The following PPARGC1A variants were observed in gnomAD, a reference collection of about 807,000 sequenced individuals.
PPARGC1A encodes the protein PPARG coactivator 1 alpha.
PPARGC1A carries 25 observed loss-of-function variants against 88.7 expected under a neutral mutation model. The ratio of observed to expected loss-of-function variants is 0.28; its 90% CI spans 0.21 to 0.39. The LOEUF (loss-of-function observed/expected upper bound fraction) is 0.39. Ranked by LOEUF, PPARGC1A falls within the 10% of genes least tolerant of loss-of-function variation. The pLI is 1.00. For missense variants in PPARGC1A, 880 were observed against 968.7 expected, an observed-to-expected ratio of 0.91 and a Z score of 1.22; for synonymous variants, 363 against 355.6, an observed-to-expected ratio of 1.02 and a Z score of -0.24.
At chr4:24,042,954 T>C in the PPARGC1A span, among the ~76,000 whole-genome samples, 2 of 152,182 alleles carry the variant, frequency 1.3e-5, no homozygotes, top group African/African-American at 4.8e-5. Context: ...CTTGATTGTT[T>C]TGGTGACTCT....
In PPARGC1A at chr4:23,886,669, G is replaced by A. The variant is rs537023771; in HGVS notation, c.55-1738C>T. On this transcript the variant is annotated intron_variant, in intron 1 of 12. Coordinates refer to ENST00000264867, the MANE Select transcript of PPARGC1A (RefSeq NM_013261.5). ...CTGGAGGCTGGGCTGAAGAGATCTC[G>A]TTCTGGTACAATGCTCATATTTGGT... Among the ~76,000 whole-genome samples the A allele has an allele frequency of 9.2e-5, 14 of 152,116 alleles. No individual in the cohort carries two copies. In the South Asian group the frequency reaches 2.5e-3, roughly 27 times the overall value.
chr4:23,824,110 T>G (rs905384038), intron 7 of PPARGC1A, among the ~76,000 whole-genome samples, 170 bp downstream of exon 7: 39 of 150,890 alleles, frequency 2.6e-4, no homozygotes, highest in South Asian at 1.3e-3. Flanking sequence ...TTTTATTAGT[T>G]TTTTTTTTTT....
At chr4:24,208,881 G>A in the PPARGC1A span, among the ~76,000 whole-genome samples, 5 of 151,982 alleles carry the variant, frequency 3.3e-5, no homozygotes, top group Non-Finnish European at 7.4e-5. Context: ...TCTTCTTTAT[G>A]CTTTATCAGC....
chr4:24,294,979 GA>G, the PPARGC1A span, among the ~76,000 whole-genome samples: 1 of 152,260 alleles, frequency 6.6e-6, no homozygotes, highest in African/African-American at 2.4e-5. Context: ...CCCATGGGGG[GA>G]CTAGTAGGGA....
intron 2 of PPARGC1A, among the ~76,000 whole-genome samples, chr4:23,858,912 T>C (rs1730693565): frequency 1.3e-5 from 2 of 149,374 alleles, no homozygotes; most frequent in Admixed American, 1.3e-4. Flanking sequence ...TATATACTTA[T>C]ATAAATATAA....
At chr4:23,898,460 T>A (rs1718870946) in intron 1 of PPARGC1A, among the ~76,000 whole-genome samples, 5 of 152,198 alleles carry the variant, frequency 3.3e-5, no homozygotes, top group Admixed American at 3.3e-4. Context: ...GAGGGAGCAC[T>A]GACAACATAG....
the PPARGC1A span, among the ~76,000 whole-genome samples, chr4:24,379,752 T>C: frequency 6.6e-6 from 1 of 151,770 alleles, no homozygotes; most frequent in East Asian, 1.9e-4. Flanking sequence ...GTGGTTTTAT[T>C]TCTTTCTTTG....
At chr4:23,876,935 G>T (rs1714821313) in intron 2 of PPARGC1A, among the ~76,000 whole-genome samples, 1 of 152,158 alleles carries the variant, frequency 6.6e-6, no homozygotes, top group Non-Finnish European at 1.5e-5. Context: ...CAGTAGTAAT[G>T]GAGATGGGCA....
chr4:23,836,571 TA>T (rs1726054185), intron 2 of PPARGC1A, among the ~76,000 whole-genome samples: 1 of 152,240 alleles, frequency 6.6e-6, no homozygotes, highest in South Asian at 2.1e-4. Flanking sequence ...GTGTCGTTAA[TA>T]AATGATAGTT....
chr4:24,461,151 C>T, the PPARGC1A span, among the ~76,000 whole-genome samples: 20,847 of 152,128 alleles, frequency 0.14, 1,711 homozygotes, highest in African/African-American at 0.24. Context: ...CTCAAACTCC[C>T]GGCCTCAAGC....
At chr4:23,910,979 C>T in the PPARGC1A span, among the ~76,000 whole-genome samples, 1 of 151,868 alleles carries the variant, frequency 6.6e-6, no homozygotes, top group Non-Finnish European at 1.5e-5. Flanking sequence ...GCTCTAACGT[C>T]TGCCAAACTT....
At chr4:24,334,106 G>T in the PPARGC1A span, among the ~76,000 whole-genome samples, 4 of 151,912 alleles carry the variant, frequency 2.6e-5, no homozygotes, top group African/African-American at 9.7e-5. Context: ...GGAGTTCTGG[G>T]GTAGTGTCTG....
the PPARGC1A span, among the ~76,000 whole-genome samples, chr4:24,429,165 C>T: frequency 6.6e-6 from 1 of 152,170 alleles, no homozygotes; most frequent in Non-Finnish European, 1.5e-5. Flanking sequence ...CAGACGTGAG[C>T]TGTGTGCGTG....
the PPARGC1A span, among the ~76,000 whole-genome samples, chr4:24,318,071 G>A: frequency 3.6e-4 from 55 of 152,226 alleles, no homozygotes; most frequent in African/African-American, 1.3e-3. Context: ...CACATGGGAA[G>A]CTAAAAATAA....
the PPARGC1A span, among the ~76,000 whole-genome samples, chr4:23,912,600 C>G: frequency 6.6e-6 from 1 of 152,000 alleles, no homozygotes; most frequent in South Asian, 2.1e-4. Flanking sequence ...CAGTTGAAGG[C>G]CTTAAGAGTG....
At chr4:23,822,877 A>G (rs1295375053) in intron 7 of PPARGC1A, among the ~76,000 whole-genome samples, 2 of 152,026 alleles carry the variant, frequency 1.3e-5, no homozygotes, top group Non-Finnish European at 2.9e-5. Context: ...AGCTTCCCCA[A>G]TTTATATCTG....
At chr4:24,124,425 A>T in the PPARGC1A span, among the ~76,000 whole-genome samples, 1 of 152,220 alleles carries the variant, frequency 6.6e-6, no homozygotes, top group Non-Finnish European at 1.5e-5. Context: ...AATGGTACTC[A>T]TCATACATTT....
chr4:24,002,057 G>A, the PPARGC1A span, among the ~76,000 whole-genome samples: 1 of 144,404 alleles, frequency 6.9e-6, no homozygotes, highest in Non-Finnish European at 1.5e-5. Context: ...CACACAAATT[G>A]GATGATAAAT....
chr4:23,997,650 C>T, the PPARGC1A span, among the ~76,000 whole-genome samples: 1 of 151,804 alleles, frequency 6.6e-6, no homozygotes, highest in African/African-American at 2.4e-5. Flanking sequence ...TACAGGTGCA[C>T]ACCACCACAC....
Sources: allele counts gnomAD v4.1 joint callset (sites outside exome capture counted in the v4.1 genomes callset), GRCh38; gene constraint gnomAD v4.1.1; transcripts MANE v1.5; gene names NCBI Gene and HGNC (gene_info 2026-07-23, HGNC 2026-07-21).